TIA1: variants seen among roughly 807,000 people sequenced by gnomAD.
TIA1 encodes the protein cytotoxic granule associated RNA binding protein TIA1.
TIA1 carries 23 observed loss-of-function variants against 65.9 expected under a neutral mutation model. The observed-to-expected ratio is 0.35, with a 90% CI of 0.25 to 0.49. TIA1 has a LOEUF of 0.49. TIA1 is among the 20% of genes least tolerant of loss of function. The pLI is 0.98. For missense variants in TIA1, 371 were observed against 477.9 expected (o/e 0.78, Z 2.09); for synonymous variants, 147 against 149.4 (o/e 0.98, Z 0.12).
Position 70,245,599 on chromosome 2 carries a change from G to C in TIA1, c.26+2806C>G, listed in dbSNP as rs536846655. Among the ~76,000 whole-genome samples the C allele has an allele frequency of 2.6e-5, 4 of 152,166 alleles. No individual in the cohort carries two copies. The South Asian group carries it at 8.3e-4, about 32-fold the overall frequency. ...GTGGAAAATTTCAAATTTATATATGGAGAAGAGTAGTATACATCACCCATA... is the reference window on the plus strand; with the variant it reads ...GTGGAAAATTTCAAATTTATATATGCAGAAGAGTAGTATACATCACCCATA... On this transcript the variant is annotated intron_variant, in intron 1 of 12. Transcript: ENST00000433529.
intron 1 of TIA1, among the ~76,000 whole-genome samples, chr2:70,238,988 G>A (rs1347532906): frequency 2.0e-5 from 3 of 152,170 alleles, no homozygotes; most frequent in African/African-American, 4.8e-5. Flanking sequence ...AAGATCACTT[G>A]AACCCAGGAG....
intron 6 of TIA1, among the ~76,000 whole-genome samples, chr2:70,225,768 C>T (rs1160838617): frequency 1.3e-5 from 2 of 152,064 alleles, no homozygotes; most frequent in Non-Finnish European, 2.9e-5. Context: ...CTGTATGGTA[C>T]GCATGCATTT....
chr2:70,220,384 G>T (rs889638622), intron 7 of TIA1, among the ~76,000 whole-genome samples: 1 of 152,044 alleles, frequency 6.6e-6, no homozygotes, highest in Admixed American at 6.6e-5. Flanking sequence ...ACTCCAGCCT[G>T]GGTGACAGAG....
chr2:70,233,163 G>T (rs1558884780), intron 2 of TIA1, among the ~76,000 whole-genome samples: 2 of 152,026 alleles, frequency 1.3e-5, no homozygotes, highest in Non-Finnish European at 2.9e-5. Flanking sequence ...TAGAGATGTG[G>T]TCTTGTTATG....
chr2:70,231,035 C>T (rs893851842), intron 2 of TIA1, among the ~76,000 whole-genome samples, 181 bp from the exon 3 acceptor site: 20 of 152,208 alleles, frequency 1.3e-4, no homozygotes, highest in African/African-American at 4.3e-4. Context: ...TGAGGTGGCT[C>T]ACACCTGTAA....
intron 5 of TIA1, 150 bp from the exon 6 acceptor site, chr2:70,227,972 A>G (rs1271274545): frequency 7.9e-6 from 4 of 506,182 alleles, no homozygotes; most frequent in Non-Finnish European, 1.4e-5. Context: ...TACAAATCCT[A>G]CCAATTTTAA....
rs1269366946 is a variant in TIA1 at position 70,235,222 on chromosome 2, C to T, written c.123+857G>A. Among the ~76,000 whole-genome samples, 5 of 152,174 alleles carry T rather than the reference C, an allele frequency of 3.3e-5. No individual in the cohort carries two copies. In the East Asian group the frequency reaches 9.7e-4, roughly 29 times the overall value. On this transcript the variant is annotated intron_variant, in intron 2 of 12. Coordinates refer to ENST00000433529, the MANE Select transcript of TIA1 (RefSeq NM_022173.4). The stretch of plus-strand genomic sequence containing the variant: ...CCTGAGGTCGGGAGTTCTAAACCAG[C>T]CTGACCAACATGGAGAAACCCCATC...
At chr2:70,220,694 G>T (rs1680893752) in intron 7 of TIA1, among the ~76,000 whole-genome samples, 1 of 151,482 alleles carries the variant, frequency 6.6e-6, no homozygotes, top group African/African-American at 2.4e-5. Context: ...CAGCTCCTCA[G>T]GAAAAAAATA....
At chr2:70,233,394 TA>T (rs1233925943) in intron 2 of TIA1, among the ~76,000 whole-genome samples, 1 of 152,254 alleles carries the variant, frequency 6.6e-6, no homozygotes, top group African/African-American at 2.4e-5. Flanking sequence ...AAAAATGTTA[TA>T]TAACTCAAAC....
chr2:70,226,257 G>C (rs757273293), intron 6 of TIA1, among the ~76,000 whole-genome samples: 65 of 151,998 alleles, frequency 4.3e-4, no homozygotes, highest in Non-Finnish European at 8.8e-4. Flanking sequence ...CCCACGATTT[G>C]TAAATCATGA....
At chr2:70,214,532 T>C (rs754068481) in intron 11 of TIA1, 38 bp from the exon 12 acceptor site, 15 of 1,532,704 alleles carry the variant, frequency 9.8e-6, no homozygotes, top group Non-Finnish European at 1.2e-5. Context: ...AAGTTAACTA[T>C]ATATATACAA....
intron 2 of TIA1, among the ~76,000 whole-genome samples, chr2:70,235,176 G>A (rs1376312074): frequency 6.6e-6 from 1 of 152,176 alleles, no homozygotes; most frequent in Non-Finnish European, 1.5e-5. Context: ...AGTACTTTGG[G>A]AGGCCAAGAC....
Position 70,211,323 on chromosome 2 carries a change from C to T in TIA1, c.*1396G>A, listed in dbSNP as rs528099475. On this transcript the variant is annotated 3_prime_UTR_variant, in exon 13 of 13. Transcript: ENST00000433529. The stretch of plus-strand genomic sequence containing the variant: ...TGGAGCCACCCCAAAATAATAAAAT[C>T]GGGAACTCCAGGAAAACAGGTACCA... The T allele has an allele frequency of 1.3e-5, 2 of 152,092 alleles. No individual in the cohort carries two copies. The highest frequency in any genetic ancestry group is 2.1e-4 in the South Asian group (1 of 4,832). The allele number at this position is 152,092 out of a possible 1,614,324, so 9.4% of individuals were successfully genotyped here.
At chr2:70,230,631 A>G in intron 3 of TIA1, 125 bp downstream of exon 3, 1 of 683,048 alleles carries the variant, frequency 1.5e-6, no homozygotes, top group Non-Finnish European at 2.3e-6. Context: ...CAGATTGGGC[A>G]ACAAGGGCAA....
At chr2:70,218,667 T>C (rs1679800675) in intron 7 of TIA1, among the ~76,000 whole-genome samples, 2 of 152,184 alleles carry the variant, frequency 1.3e-5, no homozygotes, top group Admixed American at 6.5e-5. Context: ...TCTCCTGACC[T>C]CGTGATCCGC....
rs11380260 is a variant in TIA1, at chr2:70,242,494, CAA to C, written c.26+5909_26+5910del. On this transcript the variant is annotated intron_variant, in intron 1 of 12. Coordinates refer to ENST00000433529, the MANE Select transcript of TIA1 (RefSeq NM_022173.4). ...AGCCTGAGTGACAGAGACTCAGTCT[CAA>C]AAAAAAAAAAAAAAAAAAAAAAAAA... Among the ~76,000 whole-genome samples, 68 of 33,442 alleles carry C rather than the reference CAA, an allele frequency of 2.0e-3. No homozygotes were observed. In the South Asian group the frequency reaches 0.028, roughly 14 times the overall value. The allele number at this position is 33,442 out of a possible 152,430, so 21.9% of individuals were successfully genotyped here. A position where few individuals can be genotyped will look rare whatever the true frequency, so the allele number is the denominator to read the frequency against.
chr2:70,244,873 C>T (rs1034873340), intron 1 of TIA1, among the ~76,000 whole-genome samples: 3 of 148,146 alleles, frequency 2.0e-5, no homozygotes, highest in Admixed American at 6.7e-5. Context: ...GTCTGATTCT[C>T]AATACAAGAG....
chr2:70,220,124 G>C, intron 7 of TIA1, among the ~76,000 whole-genome samples: 1 of 152,044 alleles, frequency 6.6e-6, no homozygotes, highest in Non-Finnish European at 1.5e-5. Context: ...AAGAAGTAAA[G>C]ATCAGACTGG....
At chr2:70,230,241 CAAA>C (rs111994578) in intron 3 of TIA1, among the ~76,000 whole-genome samples, 7 of 96,950 alleles carry the variant, frequency 7.2e-5, no homozygotes, top group Admixed American at 2.3e-4. Flanking sequence ...AGACCCAACT[CAAA>C]AAAAAAAAAA....
Sources: allele counts gnomAD v4.1 joint callset (sites outside exome capture counted in the v4.1 genomes callset), GRCh38; gene constraint gnomAD v4.1.1; transcripts MANE v1.5; gene names NCBI Gene and HGNC (gene_info 2026-07-23, HGNC 2026-07-21).